Variants in TLK1 observed in about 807,000 individuals in gnomAD.
TLK1 encodes tousled like kinase 1, also known as serine/threonine-protein kinase tousled-like 1.
In TLK1, 24 loss-of-function variants were observed where a neutral mutation model predicts 105.3. The ratio of observed to expected loss-of-function variants is 0.23; its 90% CI spans 0.17 to 0.32. TLK1 has a LOEUF of 0.32. TLK1 is among the 10% of genes least tolerant of loss of function. The pLI is 1.00. For missense variants in TLK1, 558 were observed against 910.5 expected (o/e 0.61, Z 4.98); for synonymous variants, 321 against 310.4 (o/e 1.03, Z -0.36).
intron 2 of TLK1, among the ~76,000 whole-genome samples, chr2:171,117,312 G>A (rs767777536): frequency 6.6e-6 from 1 of 152,148 alleles, no homozygotes; most frequent in Non-Finnish European, 1.5e-5. Context: ...CTCTCCTGCC[G>A]CTCACCTCCT....
chr2:171,077,422 C>T (rs1194407338), intron 3 of TLK1, among the ~76,000 whole-genome samples: 1 of 152,234 alleles, frequency 6.6e-6, no homozygotes, highest in African/African-American at 2.4e-5. Context: ...TCAAGCCTGT[C>T]TGACTCTAGA....
intron 11 of TLK1, among the ~76,000 whole-genome samples, chr2:171,036,395 C>T (rs768743869): frequency 6.6e-6 from 1 of 151,804 alleles, no homozygotes; most frequent in African/African-American, 2.4e-5. Flanking sequence ...TCTCCCCCCC[C>T]AAAAAAAGCA....
At chr2:171,018,339 T>C (rs944990643) in intron 12 of TLK1, among the ~76,000 whole-genome samples, 6 of 152,374 alleles carry the variant, frequency 3.9e-5, no homozygotes, top group Non-Finnish European at 1.5e-5. Context: ...GTGCCCAGTC[T>C]GATATTTTGT....
intron 1 of TLK1, among the ~76,000 whole-genome samples, chr2:171,220,746 G>T (rs1480347998): frequency 6.6e-6 from 1 of 151,952 alleles, no homozygotes; most frequent in Non-Finnish European, 1.5e-5. Flanking sequence ...ATTAAGTTGG[G>T]AAGGTGATTT....
chr2:171,209,416 A>C (rs1450452951), intron 1 of TLK1, among the ~76,000 whole-genome samples: 1 of 152,188 alleles, frequency 6.6e-6, no homozygotes, highest in Non-Finnish European at 1.5e-5. Flanking sequence ...AGCGATGAAA[A>C]TTTATATTGT....
Position 171,059,923 on chromosome 2 carries a change from C to T in TLK1, c.406+1158G>A, listed in dbSNP as rs539482119. On this transcript the variant is annotated intron_variant, in intron 4 of 20. Coordinates refer to ENST00000431350, the MANE Select transcript of TLK1 (RefSeq NM_012290.5). The stretch of plus-strand genomic sequence containing the variant: ...GTAATGCTCACTGGCCCGCTGCTCA[C>T]CTCCTGCTGTACGACCCATTTCCCA... The T allele has an allele frequency of 2.5e-5, 36 of 1,449,498 alleles. No homozygotes were observed. The South Asian group carries it at 2.7e-4, about 11-fold the overall frequency. The allele number at this position is 1,449,498 out of a possible 1,614,324, so 89.8% of individuals were successfully genotyped here.
intron 1 of TLK1, among the ~76,000 whole-genome samples, chr2:171,187,134 CT>C (rs558771481): frequency 6.6e-4 from 97 of 147,494 alleles, no homozygotes; most frequent in Middle Eastern, 3.5e-3. Context: ...CCAGGCACTT[CT>C]TTTTATTTTT....
Position 170,996,527 on chromosome 2 carries a change from T to C in TLK1, c.2124+126A>G, listed in dbSNP as rs919800034. On this transcript the variant is annotated intron_variant, in intron 20 of 20. Coordinates refer to ENST00000431350, the MANE Select transcript of TLK1 (RefSeq NM_012290.5). ...TCTCTGAAAGTAAATCACCAGCCCCTGCTGGACAGATCCCCTGCAGCAGCG... is the reference window on the plus strand; with the variant it reads ...TCTCTGAAAGTAAATCACCAGCCCCCGCTGGACAGATCCCCTGCAGCAGCG... 3.6e-5 allele frequency: 25 copies of C among 691,938 alleles called. No homozygotes were observed. The East Asian group carries it at 6.5e-4, about 18-fold the overall frequency. The allele number at this position is 691,938 out of a possible 1,614,324, so 42.9% of individuals were successfully genotyped here. A position where few individuals can be genotyped will look rare whatever the true frequency, so the allele number is the denominator to read the frequency against.
chr2:171,048,245 G>A (rs530391174), intron 10 of TLK1, among the ~76,000 whole-genome samples: 5 of 152,202 alleles, frequency 3.3e-5, no homozygotes, highest in Non-Finnish European at 7.3e-5. Flanking sequence ...CACTGCACCT[G>A]TGGCCTCTTT....
intron 1 of TLK1, among the ~76,000 whole-genome samples, chr2:171,225,163 C>T (rs531261554): frequency 2.0e-4 from 31 of 152,254 alleles, no homozygotes; most frequent in Admixed American, 2.0e-3. Flanking sequence ...AAAAACTTTT[C>T]TGCTTCAAAG....
chr2:171,226,688 A>G (rs1165109890), intron 1 of TLK1, among the ~76,000 whole-genome samples: 1 of 152,200 alleles, frequency 6.6e-6, no homozygotes, highest in East Asian at 1.9e-4. Context: ...CATTAGTTTT[A>G]TAATTCTGGC....
chr2:170,994,607 A>T (rs1683963780), intron 20 of TLK1: 1 of 478,860 alleles, frequency 2.1e-6, no homozygotes, highest in Admixed American at 2.3e-5. Context: ...TTAAGTGCAT[A>T]GCACAAAGTA....
intron 2 of TLK1, among the ~76,000 whole-genome samples, chr2:171,086,949 C>T (rs1452163130): frequency 3.3e-5 from 5 of 152,198 alleles, no homozygotes; most frequent in East Asian, 3.9e-4. Context: ...ACGGAGCAGA[C>T]GATAAGCAGC....
intron 1 of TLK1, among the ~76,000 whole-genome samples, chr2:171,127,030 C>CT (rs1427473710): frequency 2.0e-5 from 3 of 151,902 alleles, no homozygotes; most frequent in Non-Finnish European, 4.4e-5. Context: ...AATCCCAGCA[C>CT]TTTGGGAGGC....
chr2:171,184,735 C>T (rs1413912612), intron 1 of TLK1, among the ~76,000 whole-genome samples: 1 of 151,880 alleles, frequency 6.6e-6, no homozygotes, highest in Non-Finnish European at 1.5e-5. Context: ...ATTAAAATGT[C>T]ATCCTTACTG....
intron 2 of TLK1, among the ~76,000 whole-genome samples, chr2:171,099,338 C>T (rs1373063186): frequency 6.6e-6 from 1 of 152,048 alleles, no homozygotes; most frequent in African/African-American, 2.4e-5. Context: ...AACTAAAAAA[C>T]ATCATTGAAA....
chr2:171,064,054 T>C (rs140496115), intron 3 of TLK1, among the ~76,000 whole-genome samples: 4 of 152,330 alleles, frequency 2.6e-5, no homozygotes, highest in Admixed American at 6.5e-5. Flanking sequence ...GGACAGTCCA[T>C]TGGCAAAAAT....
intron 1 of TLK1, among the ~76,000 whole-genome samples, chr2:171,221,659 T>A (rs1288754941): frequency 6.6e-6 from 1 of 152,184 alleles, no homozygotes; most frequent in African/African-American, 2.4e-5. Context: ...TTTCTCACAG[T>A]TCTAGGGGCT....
At chr2:171,043,927 C>T (rs1258408953) in intron 11 of TLK1, among the ~76,000 whole-genome samples, 1 of 152,104 alleles carries the variant, frequency 6.6e-6, no homozygotes, top group East Asian at 1.9e-4. Flanking sequence ...ATTCACCTGG[C>T]TTTTGGTTTT....
Sources: gnomAD v4.1 joint callset for allele counts (sites outside exome capture counted in the v4.1 genomes callset) on GRCh38, gnomAD v4.1.1 for gene constraint, MANE v1.5 for transcripts, NCBI Gene and HGNC (gene_info 2026-07-23, HGNC 2026-07-21) for gene names.